The following LRRC4C variants were observed in gnomAD, a reference collection of about 807,000 sequenced individuals.
LRRC4C encodes the protein leucine rich repeat containing 4C.
A neutral mutation model predicts 33.6 loss-of-function variants in LRRC4C; 5 were observed. The observed-to-expected ratio is 0.15, with a 90% CI of 0.08 to 0.31. The LOEUF (loss-of-function observed/expected upper bound fraction) is 0.31, where lower values mean the gene tolerates loss of function less well. Ranked by LOEUF, LRRC4C falls within the 10% of genes least tolerant of loss-of-function variation. LRRC4C has a pLI of 1.00. For missense variants in LRRC4C, 560 were observed against 796.7 expected (o/e 0.70, Z 3.58); for synonymous variants, 329 against 302.0 (o/e 1.09, Z -0.93).
At chr11:40,477,631 T>C (rs915687642) in intron 3 of LRRC4C, among the ~76,000 whole-genome samples, 1 of 152,212 alleles carries the variant, frequency 6.6e-6, no homozygotes, top group African/African-American at 2.4e-5. Context: ...TTATATTGAC[T>C]ACCACTTAAT....
intron 2 of LRRC4C, among the ~76,000 whole-genome samples, chr11:40,866,964 T>C (rs1954398432): frequency 6.6e-6 from 1 of 152,132 alleles, no homozygotes; most frequent in Non-Finnish European, 1.5e-5. Flanking sequence ...TCTTTCCTCA[T>C]GCCCCCTCCA....
intron 1 of LRRC4C, among the ~76,000 whole-genome samples, chr11:41,236,286 C>T (rs1948019237): frequency 6.6e-6 from 1 of 152,060 alleles, no homozygotes. Context: ...TGAACACCTC[C>T]TGATACCTCT....
chr11:41,447,503 T>C (rs1342410694), intron 1 of LRRC4C, among the ~76,000 whole-genome samples: 1 of 152,218 alleles, frequency 6.6e-6, no homozygotes, highest in Non-Finnish European at 1.5e-5. Context: ...AGTTGGTGGA[T>C]ACTTTGCCTT....
At chr11:41,303,934 C>A (rs1363621406) in intron 1 of LRRC4C, among the ~76,000 whole-genome samples, 1 of 93,450 alleles carries the variant, frequency 1.1e-5, no homozygotes, top group African/African-American at 3.4e-5. Context: ...CGCCCGGCAG[C>A]CACCCCATCT....
intron 1 of LRRC4C, among the ~76,000 whole-genome samples, chr11:41,174,362 G>A (rs567337288): frequency 7.2e-5 from 11 of 152,016 alleles, no homozygotes; most frequent in African/African-American, 2.7e-4. Context: ...AGATGCAAAT[G>A]CCTCCTCTTG....
chr11:40,469,349 C>G (rs1251949922), intron 3 of LRRC4C, among the ~76,000 whole-genome samples: 2 of 152,110 alleles, frequency 1.3e-5, no homozygotes, highest in African/African-American at 4.8e-5. Flanking sequence ...GATATCCGGC[C>G]CATATACTAT....
chr11:40,594,377 G>A (rs991087933), intron 3 of LRRC4C, among the ~76,000 whole-genome samples: 15 of 152,174 alleles, frequency 9.9e-5, no homozygotes, highest in Non-Finnish European at 1.8e-4. Context: ...CAGAGATACT[G>A]GGGACCTTGC....
intron 3 of LRRC4C, among the ~76,000 whole-genome samples, chr11:40,341,649 G>T (rs1946872554): frequency 6.6e-6 from 1 of 152,038 alleles, no homozygotes; most frequent in Non-Finnish European, 1.5e-5. Flanking sequence ...TAACTAACCT[G>T]CACATTGTGC....
intron 1 of LRRC4C, among the ~76,000 whole-genome samples, chr11:40,935,531 C>T (rs2136511840): frequency 6.6e-6 from 1 of 152,194 alleles, no homozygotes; most frequent in Admixed American, 6.6e-5. Flanking sequence ...AAATACTTAG[C>T]ATTGTGTTAT....
rs114901076 is a variant in LRRC4C at position 40,198,254 on chromosome 11, C to T, written c.-96+43265G>A. On this transcript the variant is annotated intron_variant, in intron 5 of 6. Transcript: ENST00000528697. ...ATACATACAGACACACACCCATGTA[C>T]TACAACTGTGTACCCACTTATGTAC... Among the ~76,000 whole-genome samples the T allele has an allele frequency of 2.8e-3, 419 of 152,324 alleles. 1 individual carries two copies. The highest frequency in any genetic ancestry group is 9.5e-3 in the African/African-American group (396 of 41,556).
At chr11:40,470,400 A>C (rs961433892) in intron 3 of LRRC4C, among the ~76,000 whole-genome samples, 2 of 152,236 alleles carry the variant, frequency 1.3e-5, no homozygotes, top group African/African-American at 4.8e-5. Flanking sequence ...TCAAAGACCA[A>C]AGGTAGAAAA....
At chr11:41,395,163 G>C (rs1483738979) in intron 1 of LRRC4C, among the ~76,000 whole-genome samples, 1 of 151,906 alleles carries the variant, frequency 6.6e-6, no homozygotes, top group African/African-American at 2.4e-5. Context: ...AACAGTTAAC[G>C]GAATGTCTTC....
At chr11:40,735,337 G>A (rs1947804727) in intron 2 of LRRC4C, among the ~76,000 whole-genome samples, 1 of 146,052 alleles carries the variant, frequency 6.8e-6, no homozygotes, top group South Asian at 2.3e-4. Context: ...ACAGTCCCCA[G>A]AGTGTGATGT....
rs115858736 is a variant in LRRC4C, at chr11:41,108,921, C to T, written c.-495-175198G>A. ...TGAAGAGTTGCTAGGCAAAATAGCACATCCACGTTCATTCCCACAGTTGCA... is the reference window on the plus strand; with the variant it reads ...TGAAGAGTTGCTAGGCAAAATAGCATATCCACGTTCATTCCCACAGTTGCA... On this transcript the variant is annotated intron_variant, in intron 1 of 6. Transcript: ENST00000528697. Among the ~76,000 whole-genome samples, 1,430 of 152,196 alleles carry T rather than the reference C, an allele frequency of 9.4e-3. 22 individuals carry two copies. Among genetic ancestry groups the T allele is most frequent in the African/African-American group, 0.033 (1,372 of 41,544 alleles).
chr11:41,327,684 C>T (rs897385327), intron 1 of LRRC4C, among the ~76,000 whole-genome samples: 1 of 152,258 alleles, frequency 6.6e-6, no homozygotes, highest in South Asian at 2.1e-4. Flanking sequence ...CCCCACGTGT[C>T]ATGGGAGGGA....
At chr11:41,065,355 C>T (rs1938150643) in intron 1 of LRRC4C, among the ~76,000 whole-genome samples, 1 of 152,196 alleles carries the variant, frequency 6.6e-6, no homozygotes, top group Non-Finnish European at 1.5e-5. Flanking sequence ...TAGATTCCTC[C>T]TCACTGGGTG....
chr11:40,865,976 AAGATTTTATTCTAT>A (rs1403940905), intron 2 of LRRC4C, among the ~76,000 whole-genome samples: 3 of 152,090 alleles, frequency 2.0e-5, no homozygotes, highest in African/African-American at 7.2e-5. Flanking sequence ...ATGAAATATG[AAGATTTTATTCTAT>A]TAAATTGTCT....
At chr11:40,573,527 G>T (rs2135579040) in intron 3 of LRRC4C, among the ~76,000 whole-genome samples, 1 of 152,184 alleles carries the variant, frequency 6.6e-6, no homozygotes, top group Admixed American at 6.5e-5. Context: ...CTCAGTTCCA[G>T]GTTTGACACC....
At chr11:40,759,089 TATATATATA>T (rs1949075313) in intron 2 of LRRC4C, among the ~76,000 whole-genome samples, 1 of 147,408 alleles carries the variant, frequency 6.8e-6, no homozygotes, top group Admixed American at 6.9e-5. Flanking sequence ...CATATATTAT[TATATATATA>T]ATATATATAA....
Sources: gnomAD v4.1 joint callset for allele counts (sites outside exome capture counted in the v4.1 genomes callset) on GRCh38, gnomAD v4.1.1 for gene constraint, MANE v1.5 for transcripts, NCBI Gene and HGNC (gene_info 2026-07-23, HGNC 2026-07-21) for gene names.